The following API5 variants were observed in gnomAD, a reference collection of about 807,000 sequenced individuals.
The protein encoded by API5 is apoptosis inhibitor 5.
A neutral mutation model predicts 71.9 loss-of-function variants in API5; 6 were observed. The observed-to-expected ratio is 0.08, with a 90% confidence interval of 0.05 to 0.16. The LOEUF (loss-of-function observed/expected upper bound fraction) is 0.16, where lower values mean the gene tolerates loss of function less well. Ranked by LOEUF, API5 falls within the 10% of genes least tolerant of loss-of-function variation. API5 has a pLI of 1.00. For missense variants in API5, 332 were observed against 612.8 expected, an observed-to-expected ratio of 0.54 and a Z score of 4.84; for synonymous variants, 189 against 221.3, an observed-to-expected ratio of 0.85 and a Z score of 1.30.
intron 3 of API5, 39 bp downstream of exon 3, chr11:43,320,953 A>G (rs903015498): frequency 2.7e-6 from 4 of 1,506,654 alleles, no homozygotes; most frequent in Admixed American, 1.7e-5. Flanking sequence ...CTAAATATAT[A>G]TCTTCTTTCT....
chr11:43,323,844 T>C (rs1483469526), intron 6 of API5, among the ~76,000 whole-genome samples: 4 of 152,152 alleles, frequency 2.6e-5, no homozygotes, highest in Non-Finnish European at 2.9e-5. Context: ...AATGCTTTAA[T>C]GAGCATTTCC....
chr11:43,325,935 T>A (rs5743233), intron 6 of API5, among the ~76,000 whole-genome samples: 21,156 of 152,128 alleles, frequency 0.14, 3,930 homozygotes, highest in African/African-American at 0.43. Context: ...GGCCAAAGAT[T>A]GAGCAGGAAA....
In API5 at chr11:43,342,877, A is replaced by T; in HGVS notation, c.*367A>T. The stretch of plus-strand genomic sequence containing the variant: ...TAAAGATCATCAGTTTTGAAAGGTT[A>T]CTGATTTTCCTCTTCCCTCTTAGTT... On this transcript the variant is annotated 3_prime_UTR_variant, in exon 14 of 14. Coordinates refer to ENST00000531273, the MANE Select transcript of API5 (RefSeq NM_001142930.2). The T allele has an allele frequency of 1.9e-6, 1 of 521,392 alleles. No homozygotes were observed. Among genetic ancestry groups the T allele is most frequent in the Non-Finnish European group, 3.4e-6 (1 of 296,568 alleles). The allele number at this position is 521,392 out of a possible 1,614,324, so 32.3% of individuals were successfully genotyped here.
At chr11:43,336,551 C>A (rs1433773125) in intron 13 of API5, among the ~76,000 whole-genome samples, 5 of 152,194 alleles carry the variant, frequency 3.3e-5, no homozygotes, top group Non-Finnish European at 7.3e-5. Flanking sequence ...GCTTCCTATT[C>A]CCCTTTAGCC....
chr11:43,317,985 A>G (rs900006096), intron 1 of API5, among the ~76,000 whole-genome samples: 5 of 64,608 alleles, frequency 7.7e-5, no homozygotes, highest in African/African-American at 2.3e-4. Flanking sequence ...CATCATTACA[A>G]TTGTTTTGTT....
chr11:43,320,998 G>T, intron 3 of API5, 84 bp downstream of exon 3: 4 of 1,124,950 alleles, frequency 3.6e-6, no homozygotes, highest in South Asian at 1.3e-5. Flanking sequence ...TTTAAATGGG[G>T]TGCAGGAGAG....
intron 7 of API5, among the ~76,000 whole-genome samples, chr11:43,326,954 C>T (rs557725933): frequency 3.6e-4 from 55 of 152,308 alleles, no homozygotes; most frequent in African/African-American, 1.2e-3. Context: ...ATTCCTTCTT[C>T]AATAGAATTC....
At chr11:43,318,311 T>G in intron 1 of API5, 1 of 1,067,168 alleles carries the variant, frequency 9.4e-7, no homozygotes, top group Non-Finnish European at 1.4e-6. Flanking sequence ...GCCTGGCCCA[T>G]TACAAATTTT....
chr11:43,334,881 A>C (rs1430929763), intron 11 of API5, among the ~76,000 whole-genome samples: 2 of 152,036 alleles, frequency 1.3e-5, no homozygotes, highest in Non-Finnish European at 1.5e-5. Flanking sequence ...TCTAATTTTG[A>C]ACCACTTAAA....
chr11:43,331,435 C>G, intron 11 of API5: 1 of 155,724 alleles, frequency 6.4e-6, no homozygotes, highest in Non-Finnish European at 1.4e-5. Context: ...TTAATTAACA[C>G]ATTTTTTATA....
chr11:43,313,035 A>T (rs1029846754), intron 1 of API5, among the ~76,000 whole-genome samples: 2 of 148,408 alleles, frequency 1.3e-5, no homozygotes, highest in Non-Finnish European at 3.0e-5. Flanking sequence ...TGAACCCGGG[A>T]GGCAGAGGTT....
chr11:43,318,950 A>G (rs1034733518), intron 2 of API5, 149 bp downstream of exon 2: 9 of 700,536 alleles, frequency 1.3e-5, no homozygotes, highest in African/African-American at 3.6e-5. Flanking sequence ...TTAAATTTAC[A>G]TATGATAAAG....
At chr11:43,334,435 T>C (rs1017929946) in intron 11 of API5, among the ~76,000 whole-genome samples, 5 of 152,176 alleles carry the variant, frequency 3.3e-5, no homozygotes, top group Non-Finnish European at 7.4e-5. Flanking sequence ...GCATGTTGCA[T>C]TGGCCAATTC....
chr11:43,328,827 G>A lies in API5; in HGVS notation c.1061G>A (p.Gly354Asp). Residue 354 changes from glycine (G) to aspartate (D), a missense_variant, in exon 9 of 14, where the codon GGC (glycine) becomes GAC (aspartate). Physicochemically the swap from Gly to Asp is moderately conservative, Grantham distance 94. This residue lies in a region of API5 where 168 missense variants were observed against 343.9 expected (regional missense o/e 0.49). Transcript: ENST00000531273. ...TTGTTGTACAGTTTTCACCAGTTGG[G>A]CCGAAAACTTCCAGATTTCTTAACA... is the stretch of plus-strand genomic sequence containing the variant. ...ECLLYSFHQL[G>D]RKLPDFLTAK... 6.2e-7 allele frequency: 1 copy of A among 1,614,026 alleles called. No individual in the cohort carries two copies. The highest frequency in any genetic ancestry group is 8.5e-7 in the Non-Finnish European group (1 of 1,179,994).
intron 13 of API5, 32 bp from the exon 14 acceptor site, chr11:43,342,396 C>G (rs1187573785): frequency 3.2e-6 from 5 of 1,545,628 alleles, no homozygotes; most frequent in South Asian, 1.3e-5. Context: ...AAATCCTAAG[C>G]AAGACCTAAA....
chr11:43,315,015 T>A (rs937086214), intron 1 of API5, among the ~76,000 whole-genome samples: 2 of 152,232 alleles, frequency 1.3e-5, no homozygotes, highest in Admixed American at 1.3e-4. Flanking sequence ...GTACTAAGTT[T>A]CCTGGCAAAT....
Position 43,312,017 on chromosome 11 carries a change from G to A in API5, c.-111G>A. The A allele has an allele frequency of 8.2e-7, 1 of 1,219,028 alleles. No individual in the cohort carries two copies. 75.5% of individuals were successfully genotyped at this position (1,219,028 alleles called of 1,614,324 possible). A position where few individuals can be genotyped will look rare whatever the true frequency, so the allele number is the denominator to read the frequency against. ...CGCGGTGACTGGCGGCTGCACTGGC[G>A]GCAGCTGGAGGTGTAATAGTGCGGG... On this transcript the variant is annotated 5_prime_UTR_variant, in exon 1 of 14. Transcript: ENST00000531273.
At chr11:43,338,948 A>G (rs1205841755) in intron 13 of API5, among the ~76,000 whole-genome samples, 3 of 152,222 alleles carry the variant, frequency 2.0e-5, no homozygotes, top group African/African-American at 7.2e-5. Flanking sequence ...CATGGCCCAC[A>G]AAAGGCTACT....
At chr11:43,319,638 C>G (rs5743218) in intron 2 of API5, among the ~76,000 whole-genome samples, 218 of 152,210 alleles carry the variant, frequency 1.4e-3, no homozygotes, top group Middle Eastern at 3.4e-3. Flanking sequence ...GTCTCAAACT[C>G]CTGGCCTCAA....
Sources: allele counts gnomAD v4.1 joint callset (sites outside exome capture counted in the v4.1 genomes callset), GRCh38; gene constraint gnomAD v4.1.1; regional missense constraint gnomAD v4.1.1; transcripts MANE v1.5; gene names NCBI Gene and HGNC (gene_info 2026-07-23, HGNC 2026-07-21).